Variants in CLEC17A observed in about 807,000 individuals in gnomAD.
CLEC17A encodes C-type lectin domain containing 17A.
A neutral mutation model predicts 61.3 loss-of-function variants in CLEC17A; 37 were observed. The observed-to-expected ratio is 0.60, with a 90% confidence interval of 0.46 to 0.79. CLEC17A has a LOEUF of 0.79. Among genes scored for constraint, CLEC17A ranks in the 30% least tolerant of loss-of-function variants. The pLI, the probability that CLEC17A is intolerant of heterozygous loss-of-function variation, is 0.00. For missense variants in CLEC17A, 418 were observed against 464.7 expected (o/e 0.90, Z 0.92); for synonymous variants, 168 against 164.9 (o/e 1.02, Z -0.14).
At chr19:14,608,295 T>C (rs1300609694) in intron 13 of CLEC17A, among the ~76,000 whole-genome samples, 1 of 152,182 alleles carries the variant, frequency 6.6e-6, no homozygotes, top group African/African-American at 2.4e-5. Context: ...AAAGGATTTG[T>C]CATTGGCAAA....
Position 14,597,153 on chromosome 19 carries a change from G to T in CLEC17A, c.638G>T (p.Arg213Leu). 1 of 1,610,158 alleles carries T rather than the reference G, an allele frequency of 6.2e-7. No homozygotes were observed. Among genetic ancestry groups the T allele is most frequent in the South Asian group, 1.1e-5 (1 of 90,202 alleles). Residue 213 changes from arginine to leucine, a missense_variant, in exon 10 of 14, where the codon CGA (arginine) becomes CTA (leucine). By Grantham distance (102) the Arg-to-Leu change is moderately radical. Transcript: ENST00000417570. Reference sequence around the variant, plus strand: ...TTAAGCTTTCAGCAGATGACGTGGCGAACAAATAGTGAGTGCTTTCAGTCA... The same window carrying T: ...TTAAGCTTTCAGCAGATGACGTGGCTAACAAATAGTGAGTGCTTTCAGTCA... ...RMLSFQQMTWRTNMTGMAGLA... is the reference protein window; with the variant it reads ...RMLSFQQMTWLTNMTGMAGLA...
chr19:14,604,607 A>G (rs2074808616), intron 12 of CLEC17A, among the ~76,000 whole-genome samples: 2 of 152,178 alleles, frequency 1.3e-5, no homozygotes, highest in South Asian at 4.1e-4. Context: ...TACTAAAAAT[A>G]CAAAAATGAG....
At position 14,596,903 on chromosome 19, in the gene CLEC17A, G is replaced by A. The variant is rs374642912; in HGVS notation, c.473G>A (p.Arg158Lys). Reference sequence around the variant, plus strand: ...ACTCCAGTCCCCTGGCTCAATCAGAGGTCTGGAGGTCCTGGCTGCTGCCAG... The same window carrying A: ...ACTCCAGTCCCCTGGCTCAATCAGAAGTCTGGAGGTCCTGGCTGCTGCCAG... ...AATPVPWLNQRSGGPGCCQKR... is the reference protein window; with the variant it reads ...AATPVPWLNQKSGGPGCCQKR... Residue 158 changes from arginine (R) to lysine (K), a missense_variant, in exon 9 of 14, where the codon AGG becomes AAG. Coordinates refer to ENST00000417570, the MANE Select transcript of CLEC17A (RefSeq NM_001204118.2). 11 of 1,608,650 alleles carry A rather than the reference G, an allele frequency of 6.8e-6. No homozygotes were observed. The highest frequency in any genetic ancestry group is 8.5e-6 in the Non-Finnish European group (10 of 1,177,496).
chr19:14,601,373 G>T (rs2074713101), intron 12 of CLEC17A, among the ~76,000 whole-genome samples: 1 of 152,194 alleles, frequency 6.6e-6, no homozygotes, highest in African/African-American at 2.4e-5. Context: ...TCACCTCCGT[G>T]CAACCAGAAG....
intron 2 of CLEC17A, chr19:14,584,306 T>C (rs2074237430): frequency 2.0e-5 from 3 of 152,132 alleles, no homozygotes; most frequent in Non-Finnish European, 2.9e-5. Flanking sequence ...AACGGAGCAG[T>C]TCGACACCCC....
intron 10 of CLEC17A, 197 bp from the exon 11 acceptor site, chr19:14,599,520 G>A: frequency 1.5e-6 from 1 of 653,140 alleles, no homozygotes; most frequent in Non-Finnish European, 2.8e-6. Context: ...CACATCCCCG[G>A]GATTGATCCC....
chr19:14,608,628 A>ATTTTT (rs71166765), intron 13 of CLEC17A, among the ~76,000 whole-genome samples: 3 of 119,748 alleles, frequency 2.5e-5, no homozygotes, highest in African/African-American at 6.5e-5. Context: ...ATGAGGAAGA[A>ATTTTT]TTTTTTTTTT....
chr19:14,600,093 T>C lies in CLEC17A; in HGVS notation c.805T>C (p.Ser269Pro). The C allele has an allele frequency of 6.2e-7, 1 of 1,613,994 alleles. No individual in the cohort carries two copies. The highest frequency in any genetic ancestry group is 8.5e-7 in the Non-Finnish European group (1 of 1,179,894). Residue 269 changes from serine (S) to proline (P), a missense_variant, in exon 12 of 14, where the codon TCC (serine) becomes CCC (proline). Ser to Pro is a moderately conservative substitution (Grantham distance 74). Transcript: ENST00000417570. ...LPFEGKCYYF[S>P]PSTKSWDEAR... Reference sequence around the variant, plus strand: ...CTTTGAGGGCAAGTGTTACTACTTCTCCCCAAGCACCAAGTCATGGGATGA... The same window carrying C: ...CTTTGAGGGCAAGTGTTACTACTTCCCCCCAAGCACCAAGTCATGGGATGA...
At position 14,607,006 on chromosome 19, in the gene CLEC17A, A is replaced by T; in HGVS notation, c.908A>T (p.Lys303Met). 7.8e-7 allele frequency: 1 copy of T among 1,289,268 alleles called. No individual in the cohort carries two copies. The highest frequency in any genetic ancestry group is 9.9e-7 in the Non-Finnish European group (1 of 1,014,432). 79.9% of individuals were successfully genotyped at this position (1,289,268 alleles called of 1,614,324 possible). The change falls in exon 13 of 14, where the codon AAG (lysine) becomes ATG (methionine). Residue 303 changes from lysine (K) to methionine (M), a missense_variant. Physicochemically the swap from Lys to Met is moderately conservative, Grantham distance 95. Coordinates refer to ENST00000417570, the MANE Select transcript of CLEC17A (RefSeq NM_001204118.2). ...TTTTATTTGCAGAATTTTGTGGCCA[A>T]GGCCCATGGCTCTCCACGGGTGTAC... ...NSFAEHNFVA[K>M]AHGSPRVYWL...
At chr19:14,603,331 G>A (rs2074770256) in intron 12 of CLEC17A, among the ~76,000 whole-genome samples, 1 of 152,124 alleles carries the variant, frequency 6.6e-6, no homozygotes. Context: ...TCTACAGACT[G>A]AATGATCCTG....
At chr19:14,582,619 A>G (rs2074195893), upstream of CLEC17A, among the ~76,000 whole-genome samples, 1 of 149,298 alleles carries the variant, frequency 6.7e-6, no homozygotes, top group African/African-American at 2.5e-5. Context: ...TAATTTATTT[A>G]TTTATTGAGA....
At position 14,584,481 on chromosome 19, in the gene CLEC17A, C is replaced by T. The variant is rs1322351762; in HGVS notation, c.121+1047C>T. 86 of 152,120 alleles carry T rather than the reference C, an allele frequency of 5.7e-4. 1 individual carries two copies. The highest frequency in any genetic ancestry group is 4.8e-4 in the African/African-American group (20 of 41,454). The allele number at this position is 152,120 out of a possible 1,614,324, so 9.4% of individuals were successfully genotyped here. A position where few individuals can be genotyped will look rare whatever the true frequency, so the allele number is the denominator to read the frequency against. ...GGGACCCTGAGGCCATGAGAGATCC[C>T]GGAGGCCCAAAACAGAAAATCCCTG... On this transcript the variant is annotated intron_variant, in intron 2 of 13. Coordinates refer to ENST00000417570, the MANE Select transcript of CLEC17A (RefSeq NM_001204118.2).
In CLEC17A at chr19:14,600,047, C is replaced by T; in HGVS notation, c.759C>T (p.Thr253=). 1.2e-6 allele frequency: 2 copies of T among 1,614,008 alleles called. No individual in the cohort carries two copies. Among genetic ancestry groups the T allele is most frequent in the Non-Finnish European group, 1.7e-6 (2 of 1,179,860 alleles). ...LWGLLDCRRI[T]CPEGWLPFEG... is the part of the protein sequence containing the mutation. Reference sequence around the variant, plus strand: ...GGTTCCCAGACTGCCGCCGAATTACCTGTCCTGAAGGCTGGCTGCCCTTTG... The same window carrying T: ...GGTTCCCAGACTGCCGCCGAATTACTTGTCCTGAAGGCTGGCTGCCCTTTG... The change falls in exon 12 of 14, where the codon ACC becomes ACT. Residue 253 remains threonine (T), a synonymous_variant. Transcript: ENST00000417570.
chr19:14,599,912 T>A, intron 11 of CLEC17A, 100 bp downstream of exon 11: 1 of 1,494,408 alleles, frequency 6.7e-7, no homozygotes, highest in Non-Finnish European at 9.1e-7. Flanking sequence ...TCTATGTGAA[T>A]GGTGCCCCTC....
Position 14,603,443 on chromosome 19 carries a change from A to G in CLEC17A, c.894+3261A>G, listed in dbSNP as rs528350879. ...AGTCATGATAAGGATCCAATGAGAC[A>G]ATCTGTGCAAAGTAGTATAGCTCAC... On this transcript the variant is annotated intron_variant, in intron 12 of 13. Coordinates refer to ENST00000417570, the MANE Select transcript of CLEC17A (RefSeq NM_001204118.2). Among the ~76,000 whole-genome samples, 3 of 152,184 alleles carry G rather than the reference A, an allele frequency of 2.0e-5. No individual in the cohort carries two copies. The East Asian group carries it at 5.8e-4, about 29-fold the overall frequency.
intron 2 of CLEC17A, among the ~76,000 whole-genome samples, chr19:14,584,555 G>A (rs71334709): frequency 3.9e-5 from 6 of 152,094 alleles, no homozygotes; most frequent in Non-Finnish European, 5.9e-5. Flanking sequence ...GAGCCATTCT[G>A]TGAGGGCTGA....
chr19:14,593,490 A>T (rs918402849), intron 4 of CLEC17A, among the ~76,000 whole-genome samples: 3 of 148,770 alleles, frequency 2.0e-5, no homozygotes, highest in Admixed American at 6.7e-5. Context: ...ATATGAAAAC[A>T]TTTTTTTTTT....
At chr19:14,598,350 CTTTT>C (rs1208353775) in intron 10 of CLEC17A, among the ~76,000 whole-genome samples, 1 of 144,180 alleles carries the variant, frequency 6.9e-6, no homozygotes, top group Non-Finnish European at 1.5e-5. Flanking sequence ...TTCTTTCTTT[CTTTT>C]TCTTTTTCCT....
chr19:14,594,443 C>T, intron 4 of CLEC17A, 74 bp from the exon 5 acceptor site: 1 of 1,533,808 alleles, frequency 6.5e-7, no homozygotes, highest in Non-Finnish European at 8.8e-7. Flanking sequence ...GCAATCCTAA[C>T]CCTGTTTCCA....
Sources: allele counts gnomAD v4.1 joint callset (sites outside exome capture counted in the v4.1 genomes callset), GRCh38; gene constraint gnomAD v4.1.1; transcripts MANE v1.5; gene names NCBI Gene and HGNC (gene_info 2026-07-23, HGNC 2026-07-21).